SDCCAG8: variants seen among roughly 807,000 people sequenced by gnomAD.
SDCCAG8 encodes serologically defined colon cancer antigen 8.
In SDCCAG8, 74 loss-of-function variants were observed where a neutral mutation model predicts 101.8. The observed-to-expected ratio is 0.73, with a 90% CI of 0.60 to 0.88. The LOEUF is 0.88. SDCCAG8 is among the 40% of genes least tolerant of loss of function. The probability of loss-of-function intolerance (pLI) is 0.00; values close to 1 mark genes in which losing one functional copy is unlikely to be tolerated. For synonymous variants in SDCCAG8, 281 were observed against 292.9 expected, an observed-to-expected ratio of 0.96 and a Z score of 0.41; for missense variants, 787 against 822.6, an observed-to-expected ratio of 0.96 and a Z score of 0.53.
intron 12 of SDCCAG8, among the ~76,000 whole-genome samples, chr1:243,367,389 C>A (rs1344431285): frequency 1.3e-5 from 2 of 151,566 alleles, no homozygotes; most frequent in Non-Finnish European, 2.9e-5. Flanking sequence ...TGAGAAAATC[C>A]TTTTGAAGTG....
rs138211130 is a variant in SDCCAG8 at position 243,423,624 on chromosome 1, C to G, written c.1854-2803C>G. 3.2e-3 allele frequency among the ~76,000 whole-genome samples: 490 copies of G among 152,096 alleles called. 3 individuals are homozygous for G. Among genetic ancestry groups the G allele is most frequent in the African/African-American group, 0.012 (482 of 41,496 alleles). ...TTGATTGTTTCCTTAATTGCTGGTC[C>G]AAGACGATTAATCCTTTTAAGGGTG... On this transcript the variant is annotated intron_variant, in intron 15 of 17. Coordinates refer to ENST00000366541, the MANE Select transcript of SDCCAG8 (RefSeq NM_006642.5).
At chr1:243,342,197 T>G (rs1418415999) in intron 11 of SDCCAG8, among the ~76,000 whole-genome samples, 1 of 152,198 alleles carries the variant, frequency 6.6e-6, no homozygotes, top group African/African-American at 2.4e-5. Context: ...AACCTAGATT[T>G]ATAGGTGAAA....
At chr1:243,328,710 T>G (rs1416158627) in intron 9 of SDCCAG8, among the ~76,000 whole-genome samples, 1 of 152,262 alleles carries the variant, frequency 6.6e-6, no homozygotes, top group Admixed American at 6.5e-5. Flanking sequence ...TGGTTTTGTT[T>G]ACATGATTTT....
intron 9 of SDCCAG8, among the ~76,000 whole-genome samples, chr1:243,326,812 T>C (rs540270540): frequency 6.6e-6 from 1 of 152,212 alleles, no homozygotes; most frequent in Non-Finnish European, 1.5e-5. Flanking sequence ...GGAAGGACTT[T>C]TATATGATCT....
chr1:243,284,344 A>C (rs2069373998), intron 4 of SDCCAG8, among the ~76,000 whole-genome samples: 1 of 152,098 alleles, frequency 6.6e-6, no homozygotes, highest in Admixed American at 6.5e-5. Context: ...TTGTCTATGG[A>C]TTACCCTAGT....
intron 17 of SDCCAG8, among the ~76,000 whole-genome samples, chr1:243,490,757 C>T (rs1666210352): frequency 6.6e-6 from 1 of 152,202 alleles, no homozygotes. Flanking sequence ...TCAGGGAAGG[C>T]AGAGGCCTGC....
At chr1:243,420,658 A>G (rs2080934475) in intron 15 of SDCCAG8, among the ~76,000 whole-genome samples, 1 of 152,192 alleles carries the variant, frequency 6.6e-6, no homozygotes, top group African/African-American at 2.4e-5. Flanking sequence ...ACTATTTTTA[A>G]AACTCTCAAG....
At chr1:243,267,414 C>G (rs1337448456) in intron 1 of SDCCAG8, 2 of 293,514 alleles carry the variant, frequency 6.8e-6, no homozygotes, top group African/African-American at 4.5e-5. Flanking sequence ...GCCTGACCAA[C>G]GTGGAGAAAC....
chr1:243,490,961 C>A (rs1372438502), intron 17 of SDCCAG8, among the ~76,000 whole-genome samples: 2 of 152,228 alleles, frequency 1.3e-5, no homozygotes, highest in Non-Finnish European at 2.9e-5. Context: ...TGGCAGGTGA[C>A]TAGGCTCTTG....
intron 17 of SDCCAG8, among the ~76,000 whole-genome samples, chr1:243,490,023 G>A (rs1176992492): frequency 1.3e-5 from 2 of 152,242 alleles, no homozygotes; most frequent in Non-Finnish European, 1.5e-5. Flanking sequence ...CTTTAATTAG[G>A]ATTGCACCCA....
chr1:243,372,999 G>T (rs1255056931), intron 12 of SDCCAG8, among the ~76,000 whole-genome samples: 2 of 149,506 alleles, frequency 1.3e-5, no homozygotes, highest in Non-Finnish European at 3.0e-5. Flanking sequence ...TAAAATAAAA[G>T]TAGAATAAAA....
chr1:243,311,457 A>G (rs908928720), intron 8 of SDCCAG8, among the ~76,000 whole-genome samples: 1 of 152,194 alleles, frequency 6.6e-6, no homozygotes, highest in African/African-American at 2.4e-5. Context: ...ACCACTAGAG[A>G]GGTGGACGAA....
chr1:243,312,245 G>A (rs2072798262), intron 8 of SDCCAG8, among the ~76,000 whole-genome samples: 1 of 152,144 alleles, frequency 6.6e-6, no homozygotes, highest in African/African-American at 2.4e-5. Flanking sequence ...CCCTCCATAA[G>A]CTGTTATCAT....
intron 12 of SDCCAG8, among the ~76,000 whole-genome samples, chr1:243,354,377 T>G (rs1389382068): frequency 6.6e-6 from 1 of 152,240 alleles, no homozygotes; most frequent in African/African-American, 2.4e-5. Context: ...GAATTTTGAC[T>G]GTCATCTGCA....
At position 243,403,708 on chromosome 1, in the gene SDCCAG8, T is replaced by C. The variant is rs574293221; in HGVS notation, c.1617-11994T>C. Among the ~76,000 whole-genome samples the C allele has an allele frequency of 8.7e-4, 132 of 152,248 alleles. 1 individual carries two copies. Among genetic ancestry groups the C allele is most frequent in the South Asian group, 3.9e-3 (19 of 4,828 alleles). ...CATGTGAGGGATCTAGGTTGTGCAC[T>C]CCTTATGAGAATCTAATGCTTGATG... is the stretch of plus-strand genomic sequence containing the variant. On this transcript the variant is annotated intron_variant, in intron 13 of 17. Transcript: ENST00000366541.
At chr1:243,435,872 A>G (rs558971966) in intron 16 of SDCCAG8, among the ~76,000 whole-genome samples, 1 of 152,208 alleles carries the variant, frequency 6.6e-6, no homozygotes, top group Admixed American at 6.5e-5. Context: ...GGAATAAGGA[A>G]CACTCTAAAA....
At position 243,308,081 on chromosome 1, in the gene SDCCAG8, G is replaced by A. The variant is rs200657425; in HGVS notation, c.833G>A (p.Arg278His). 67 of 1,614,128 alleles carry A rather than the reference G, an allele frequency of 4.2e-5. No individual in the cohort carries two copies. In the Admixed American group the frequency reaches 6.3e-4, roughly 15 times the overall value. ...CTTCTGGCTGCTAATACTTGTAACC[G>A]TGTTGGTGGTCTTTGTTTGAAATGT... ...EFLLAANTCN[R>H]VGGLCLKCAQ... The change falls in exon 8 of 18, where the codon CGT (arginine) becomes CAT (histidine). Residue 278 changes from arginine to histidine, a missense_variant. By Grantham distance (29) the Arg-to-His change is conservative (BLOSUM62 0). Transcript: ENST00000366541.
intron 16 of SDCCAG8, among the ~76,000 whole-genome samples, chr1:243,450,691 TC>T (rs2083284139): frequency 6.6e-6 from 1 of 152,258 alleles, no homozygotes; most frequent in Non-Finnish European, 1.5e-5. Flanking sequence ...AGAGTCTTGC[TC>T]TGTTGCCCAG....
At chr1:243,447,639 GA>G (rs1290826603) in intron 16 of SDCCAG8, among the ~76,000 whole-genome samples, 2 of 151,830 alleles carry the variant, frequency 1.3e-5, no homozygotes, top group Non-Finnish European at 2.9e-5. Flanking sequence ...GATAGTCTTT[GA>G]AAAAAAGGTT....
Sources: gnomAD v4.1 joint callset for allele counts (sites outside exome capture counted in the v4.1 genomes callset) on GRCh38, gnomAD v4.1.1 for gene constraint, MANE v1.5 for transcripts, NCBI Gene and HGNC (gene_info 2026-07-23, HGNC 2026-07-21) for gene names.